PPARGC1A: variants seen among roughly 807,000 people sequenced by gnomAD.
PPARGC1A encodes peroxisome proliferator-activated receptor gamma coactivator 1-alpha.
A neutral mutation model predicts 88.7 loss-of-function variants in PPARGC1A; 25 were observed. That is an observed-to-expected ratio of 0.28 (90% CI 0.21 to 0.39). The LOEUF is 0.39. PPARGC1A is among the 10% of genes least tolerant of loss of function. The pLI is 1.00. For missense variants in PPARGC1A, 880 were observed against 968.7 expected (o/e 0.91, Z 1.22); for synonymous variants, 363 against 355.6 (o/e 1.02, Z -0.24).
chr4:24,253,101 A>T, the PPARGC1A span, among the ~76,000 whole-genome samples: 1 of 152,292 alleles, frequency 6.6e-6, no homozygotes, highest in Non-Finnish European at 1.5e-5. Context: ...CCTCTGCAAA[A>T]GAAGGTGTGA....
the PPARGC1A span, among the ~76,000 whole-genome samples, chr4:24,215,070 CT>C: frequency 6.6e-6 from 1 of 152,338 alleles, no homozygotes; most frequent in South Asian, 2.1e-4. Context: ...GTGCACCTTC[CT>C]TTAGCAGCTA....
the PPARGC1A span, among the ~76,000 whole-genome samples, chr4:24,204,774 G>C: frequency 1.3e-5 from 2 of 152,108 alleles, no homozygotes; most frequent in Admixed American, 1.3e-4. Flanking sequence ...TGTTGAGATA[G>C]GGGGCCTGAC....
the PPARGC1A span, among the ~76,000 whole-genome samples, chr4:24,289,313 T>C: frequency 6.6e-6 from 1 of 151,620 alleles, no homozygotes; most frequent in African/African-American, 2.4e-5. Flanking sequence ...TATTGCTCCA[T>C]TTCAGCAAAT....
the PPARGC1A span, among the ~76,000 whole-genome samples, chr4:23,958,790 T>G: frequency 6.6e-6 from 1 of 152,086 alleles, no homozygotes; most frequent in Non-Finnish European, 1.5e-5. Context: ...AGACATGGAA[T>G]AAAAATAGAT....
the PPARGC1A span, among the ~76,000 whole-genome samples, chr4:24,244,745 C>T: frequency 2.0e-5 from 3 of 152,134 alleles, no homozygotes; most frequent in African/African-American, 4.8e-5. Flanking sequence ...GAGGATGCCC[C>T]AAACATCCTA....
chr4:24,064,854 C>T, the PPARGC1A span, among the ~76,000 whole-genome samples: 21 of 152,272 alleles, frequency 1.4e-4, no homozygotes, highest in Admixed American at 6.5e-4. Context: ...TTTCTAATCA[C>T]TCCCCTCAAG....
At chr4:24,141,053 A>G in the PPARGC1A span, among the ~76,000 whole-genome samples, 3 of 152,222 alleles carry the variant, frequency 2.0e-5, no homozygotes, top group African/African-American at 7.2e-5. Context: ...ATCACCAAAC[A>G]CAGGCTTCGA....
chr4:23,906,517 G>T (rs1361622128), upstream of PPARGC1A, among the ~76,000 whole-genome samples: 1 of 150,046 alleles, frequency 6.7e-6, no homozygotes, highest in Non-Finnish European at 1.5e-5. Context: ...GGAGACTGAG[G>T]CAGGAGAAGA....
chr4:23,889,120 T>C (rs962058033), intron 1 of PPARGC1A: 1 of 985,332 alleles, frequency 1.0e-6, no homozygotes, highest in South Asian at 4.7e-5. Context: ...GCAGAGACTG[T>C]GGAATTGATG....
At chr4:24,035,148 C>T in the PPARGC1A span, among the ~76,000 whole-genome samples, 1 of 152,280 alleles carries the variant, frequency 6.6e-6, no homozygotes, top group South Asian at 2.1e-4. Context: ...TTGAAACTAA[C>T]AGGGCAGTCC....
the PPARGC1A span, among the ~76,000 whole-genome samples, chr4:24,007,957 G>A: frequency 1.1e-4 from 16 of 152,204 alleles, no homozygotes; most frequent in South Asian, 8.3e-4. Flanking sequence ...CCATTCCGTC[G>A]TCTCCCGCTC....
intron 5 of PPARGC1A, among the ~76,000 whole-genome samples, chr4:23,826,492 A>G (rs575498818): frequency 1.3e-5 from 2 of 152,232 alleles, no homozygotes; most frequent in East Asian, 3.9e-4. Context: ...TGACTCCAAA[A>G]CGTTTTATGG....
At chr4:24,143,550 A>G in the PPARGC1A span, among the ~76,000 whole-genome samples, 1 of 152,194 alleles carries the variant, frequency 6.6e-6, no homozygotes, top group African/African-American at 2.4e-5. Flanking sequence ...GACGATATGA[A>G]TATAAATAGC....
At chr4:23,841,661 A>G (rs1208327416) in intron 2 of PPARGC1A, among the ~76,000 whole-genome samples, 4 of 152,048 alleles carry the variant, frequency 2.6e-5, no homozygotes, top group Non-Finnish European at 4.4e-5. Context: ...ATTTTAAAAT[A>G]CTCATTTCTA....
the PPARGC1A span, among the ~76,000 whole-genome samples, chr4:24,239,351 G>T: frequency 6.6e-6 from 1 of 152,110 alleles, no homozygotes; most frequent in African/African-American, 2.4e-5. Flanking sequence ...AGGAAAGAAT[G>T]GTCTCCCCTC....
chr4:24,079,208 C>T, the PPARGC1A span, among the ~76,000 whole-genome samples: 31,655 of 151,790 alleles, frequency 0.21, 3,597 homozygotes, highest in Non-Finnish European at 0.24. Flanking sequence ...TACATGTTAC[C>T]TAATTGATTT....
At chr4:23,895,962 GTGTGTGTGTGTGTGTGTGTATATA>G (rs1430891039) in intron 1 of PPARGC1A, among the ~76,000 whole-genome samples, 40 of 52,492 alleles carry the variant, frequency 7.6e-4, no homozygotes, top group African/African-American at 2.9e-3. Flanking sequence ...GTGTGTGTGT[GTGTGTGTGTGTGTGTGTGTATATA>G]TATATACACA....
At chr4:24,203,798 C>A in the PPARGC1A span, among the ~76,000 whole-genome samples, 2 of 152,190 alleles carry the variant, frequency 1.3e-5, no homozygotes, top group Non-Finnish European at 2.9e-5. Context: ...AAGGAACGTG[C>A]AAAAGAACTT....
At chr4:24,204,885 G>T in the PPARGC1A span, among the ~76,000 whole-genome samples, 2 of 152,024 alleles carry the variant, frequency 1.3e-5, no homozygotes, top group Non-Finnish European at 2.9e-5. Flanking sequence ...ATGCAGTGGC[G>T]CAATCCCGGC....
Sources: gnomAD v4.1 joint callset for allele counts (sites outside exome capture counted in the v4.1 genomes callset) on GRCh38, gnomAD v4.1.1 for gene constraint, MANE v1.5 for transcripts, NCBI Gene and HGNC (gene_info 2026-07-23, HGNC 2026-07-21) for gene names.